Variants in TBX5 observed in about 807,000 individuals in gnomAD.
The protein encoded by TBX5 is T-box transcription factor TBX5.
Under a neutral mutation model 51.1 loss-of-function variants are expected in TBX5, and 8 were observed. That is an observed-to-expected ratio of 0.16 (90% CI 0.09 to 0.28). The LOEUF (loss-of-function observed/expected upper bound fraction) is 0.28, where lower values mean the gene tolerates loss of function less well. Among genes scored for constraint, TBX5 ranks in the 10% least tolerant of loss-of-function variants. The pLI is 1.00. For missense variants in TBX5, 589 were observed against 671.7 expected (o/e 0.88, Z 1.36); for synonymous variants, 302 against 266.4 (o/e 1.13, Z -1.30).
chr12:114,363,287 C>T (rs535979850), intron 8 of TBX5, among the ~76,000 whole-genome samples: 2 of 152,316 alleles, frequency 1.3e-5, no homozygotes, highest in Admixed American at 1.3e-4. Flanking sequence ...ACTCCAGCTT[C>T]CCCAGTGGCC....
chr12:114,395,015 T>C (rs544540347), intron 5 of TBX5, 122 bp from the exon 6 acceptor site: 25 of 960,254 alleles, frequency 2.6e-5, no homozygotes, highest in Admixed American at 2.2e-4. Flanking sequence ...AATAGATATT[T>C]TTCTTCTGTT....
Position 114,387,734 on chromosome 12 carries a change from A to G in TBX5, c.664-2167T>C, listed in dbSNP as rs928584785. 5.9e-5 allele frequency among the ~76,000 whole-genome samples: 9 copies of G among 152,184 alleles called. No homozygotes were observed. The South Asian group carries it at 1.7e-3, about 28-fold the overall frequency. On this transcript the variant is annotated intron_variant, in intron 6 of 8. Coordinates refer to ENST00000405440, the MANE Select transcript of TBX5 (RefSeq NM_181486.4). ...TGTTCCACTCTGGTACAGGATGTCC[A>G]TGGTGGGGGTGGCTGTGCATGTGGT...
intron 6 of TBX5, among the ~76,000 whole-genome samples, chr12:114,393,723 A>G (rs1051971139): frequency 6.6e-6 from 1 of 152,084 alleles, no homozygotes; most frequent in African/African-American, 2.4e-5. Flanking sequence ...CTTTCACACA[A>G]TCCATGCGAC....
chr12:114,368,332 C>CTCAA (rs57863558), intron 7 of TBX5, among the ~76,000 whole-genome samples: 9,151 of 151,660 alleles, frequency 0.06, 886 homozygotes, highest in African/African-American at 0.21. Flanking sequence ...GAAACCCTGT[C>CTCAA]TCAATCAATC....
chr12:114,364,803 G>A lies in TBX5; in HGVS notation c.982+1362C>T, dbSNP rs146869936. ...AGGAAACATATCATTTACAAAGTGAGAAACTGAGGCTAGGAGAGGCTAGAA... is the reference window on the plus strand; with the variant it reads ...AGGAAACATATCATTTACAAAGTGAAAAACTGAGGCTAGGAGAGGCTAGAA... On this transcript the variant is annotated intron_variant, in intron 8 of 8. Coordinates refer to ENST00000405440, the MANE Select transcript of TBX5 (RefSeq NM_181486.4). 4.8e-4 allele frequency among the ~76,000 whole-genome samples: 73 copies of A among 152,262 alleles called. 1 individual carries two copies. Among genetic ancestry groups the A allele is most frequent in the Admixed American group, 9.8e-4 (15 of 15,294 alleles).
chr12:114,356,121 G>C lies in TBX5; in HGVS notation c.983-15C>G, dbSNP rs375002260. 1.1e-5 allele frequency: 17 copies of C among 1,606,286 alleles called. No individual in the cohort carries two copies. The highest frequency in any genetic ancestry group is 1.4e-5 in the Non-Finnish European group (16 of 1,179,748). ...ACATTCTTCCTCTGTGAAGACAGGA[G>C]AGACAGCAGTGAGGCCAGGAGCAGG... On this transcript the variant is annotated splice_polypyrimidine_tract_variant and intron_variant, in intron 8 of 8. Coordinates refer to ENST00000405440, the MANE Select transcript of TBX5 (RefSeq NM_181486.4).
At chr12:114,365,839 A>AG (rs1408023890) in intron 8 of TBX5, among the ~76,000 whole-genome samples, 1 of 130,340 alleles carries the variant, frequency 7.7e-6, no homozygotes, top group Admixed American at 7.3e-5. Flanking sequence ...CAAAAAAAAA[A>AG]AAAAAAGAAA....
intron 7 of TBX5, among the ~76,000 whole-genome samples, chr12:114,379,189 A>G (rs936510591): frequency 6.6e-6 from 1 of 152,136 alleles, no homozygotes; most frequent in Non-Finnish European, 1.5e-5. Flanking sequence ...GTCCTTCCAA[A>G]TAGCATGACC....
In TBX5 at chr12:114,406,019, A is replaced by G. The variant is rs1872194187; in HGVS notation, c.-430T>C. The stretch of plus-strand genomic sequence containing the variant: ...TTTCTGAGCGCAGCTTTCAGGATTA[A>G]AGTTCCCGGATTCGAGGTAAGAGTC... On this transcript the variant is annotated 5_prime_UTR_variant, in exon 1 of 9. Coordinates refer to ENST00000405440, the MANE Select transcript of TBX5 (RefSeq NM_181486.4). The G allele has an allele frequency of 1.0e-6, 1 of 985,096 alleles. No homozygotes were observed. The highest frequency in any genetic ancestry group is 1.8e-5 in the African/African-American group (1 of 57,136). The allele number at this position is 985,096 out of a possible 1,614,324, so 61.0% of individuals were successfully genotyped here.
At chr12:114,387,632 C>T (rs1030813233) in intron 6 of TBX5, among the ~76,000 whole-genome samples, 1 of 152,122 alleles carries the variant, frequency 6.6e-6, no homozygotes, top group Non-Finnish European at 1.5e-5. Flanking sequence ...TGTACAACAC[C>T]AAGAGTGGGC....
rs567785340 is a variant in TBX5 at position 114,403,842 on chromosome 12, T to C, written c.57A>G (p.Ala19=). 4.6e-5 allele frequency: 74 copies of C among 1,613,862 alleles called. No individual in the cohort carries two copies. Among genetic ancestry groups the C allele is most frequent in the Non-Finnish European group, 1.5e-5 (18 of 1,180,022 alleles). The part of the protein sequence containing the change: ...GLAHTPLEPD[A]KDLPCDSKPE... ...GTTTCGAATCGCAGGGCAGGTCTTT[T>C]GCGTCAGGCTCCAGAGGCGTGTGCG... is the stretch of plus-strand genomic sequence containing the variant. Residue 19 remains alanine (A), a synonymous_variant, in exon 2 of 9, where the codon GCA becomes GCG. Transcript: ENST00000405440.
At chr12:114,363,943 A>G (rs916603651) in intron 8 of TBX5, among the ~76,000 whole-genome samples, 4 of 152,234 alleles carry the variant, frequency 2.6e-5, no homozygotes, top group Middle Eastern at 3.2e-3. Flanking sequence ...TCTGGTCTCC[A>G]GTCCATCCGG....
At chr12:114,356,695 C>T (rs1868937119) in intron 8 of TBX5, among the ~76,000 whole-genome samples, 1 of 152,218 alleles carries the variant, frequency 6.6e-6, no homozygotes, top group Non-Finnish European at 1.5e-5. Context: ...CTATTAACAA[C>T]AGCATCAACA....
intron 3 of TBX5, among the ~76,000 whole-genome samples, chr12:114,399,861 C>CG (rs1043412780): frequency 8.5e-5 from 13 of 152,132 alleles, no homozygotes; most frequent in African/African-American, 2.9e-4. Context: ...GTAACCTAAG[C>CG]GGAAAACAAA....
intron 1 of TBX5, among the ~76,000 whole-genome samples, chr12:114,405,377 G>C (rs1275527905): frequency 6.6e-6 from 1 of 152,114 alleles, no homozygotes; most frequent in Non-Finnish European, 1.5e-5. Context: ...GGGAGCTCTG[G>C]GCTGGCGGAG....
At chr12:114,398,068 T>G (rs1370787605) in intron 5 of TBX5, among the ~76,000 whole-genome samples, 3 of 152,214 alleles carry the variant, frequency 2.0e-5, no homozygotes, top group Non-Finnish European at 1.5e-5. Context: ...ACAGATCGAA[T>G]TCACAGACTC....
At chr12:114,399,843 A>T (rs904718816) in intron 3 of TBX5, among the ~76,000 whole-genome samples, 1 of 152,180 alleles carries the variant, frequency 6.6e-6, no homozygotes, top group African/African-American at 2.4e-5. Flanking sequence ...GCAGGCGGGC[A>T]ACTGTAGGTA....
chr12:114,385,237 C>G (rs201538523), intron 7 of TBX5, among the ~76,000 whole-genome samples: 1 of 152,264 alleles, frequency 6.6e-6, no homozygotes, highest in East Asian at 1.9e-4. Context: ...TGGAGAATGC[C>G]GAACTCTTCG....
At chr12:114,392,029 T>C (rs1308426854) in intron 6 of TBX5, among the ~76,000 whole-genome samples, 1 of 151,832 alleles carries the variant, frequency 6.6e-6, no homozygotes, top group African/African-American at 2.4e-5. Context: ...TCAACTGGGC[T>C]CCCTGACTCA....
Sources: allele counts gnomAD v4.1 joint callset (sites outside exome capture counted in the v4.1 genomes callset), GRCh38; gene constraint gnomAD v4.1.1; transcripts MANE v1.5; gene names NCBI Gene and HGNC (gene_info 2026-07-23, HGNC 2026-07-21).